Variants in EXT2 observed in about 807,000 individuals in gnomAD.
EXT2 encodes the protein exostosin glycosyltransferase 2.
EXT2 carries 53 observed loss-of-function variants against 81.6 expected under a neutral mutation model. The ratio of observed to expected loss-of-function variants is 0.65; its 90% CI spans 0.52 to 0.82. EXT2 has a LOEUF of 0.82. Among genes scored for constraint, EXT2 ranks in the 40% least tolerant of loss-of-function variants. EXT2 has a pLI of 0.00. For synonymous variants in EXT2, 320 were observed against 340.0 expected, an observed-to-expected ratio of 0.94 and a Z score of 0.65; for missense variants, 774 against 910.2, an observed-to-expected ratio of 0.85 and a Z score of 1.93.
intron 7 of EXT2, among the ~76,000 whole-genome samples, chr11:44,134,355 T>C (rs1055840518): frequency 6.6e-6 from 1 of 152,168 alleles, no homozygotes; most frequent in South Asian, 2.1e-4. Context: ...GTGTTGGGGA[T>C]ATATGGGTAT....
At chr11:44,177,546 T>G (rs1407572026) in intron 8 of EXT2, among the ~76,000 whole-genome samples, 1 of 152,216 alleles carries the variant, frequency 6.6e-6, no homozygotes, top group Non-Finnish European at 1.5e-5. Flanking sequence ...AACAGTGAAT[T>G]CATGTGTCAC....
chr11:44,149,071 A>AG (rs1159692385), intron 7 of EXT2, among the ~76,000 whole-genome samples: 2 of 152,156 alleles, frequency 1.3e-5, no homozygotes, highest in Admixed American at 1.3e-4. Flanking sequence ...GAGAAAGAAA[A>AG]GAGTTTGGGG....
chr11:44,141,527 G>A (rs1041102700), intron 7 of EXT2, among the ~76,000 whole-genome samples: 1 of 152,166 alleles, frequency 6.6e-6, no homozygotes, highest in Non-Finnish European at 1.5e-5. Context: ...GTTTAATTTA[G>A]GACAGTGAAC....
intron 12 of EXT2, among the ~76,000 whole-genome samples, chr11:44,235,753 A>G (rs1955956255): frequency 6.6e-6 from 1 of 152,072 alleles, no homozygotes; most frequent in African/African-American, 2.4e-5. Context: ...TTAAGGTTTG[A>G]GAGTGTAGTG....
chr11:44,236,477 G>T, intron 13 of EXT2, 102 bp downstream of exon 13: 2 of 1,054,652 alleles, frequency 1.9e-6, no homozygotes, highest in South Asian at 1.3e-5. Flanking sequence ...GACAGCAGCT[G>T]GTAGCCATAG....
At chr11:44,203,897 A>C (rs1955550721) in intron 9 of EXT2, among the ~76,000 whole-genome samples, 1 of 152,274 alleles carries the variant, frequency 6.6e-6, no homozygotes, top group Non-Finnish European at 1.5e-5. Context: ...TACAGGGTCC[A>C]GTTCAGCTAT....
At chr11:44,169,192 C>G (rs1955036630) in intron 7 of EXT2, among the ~76,000 whole-genome samples, 1 of 151,544 alleles carries the variant, frequency 6.6e-6, no homozygotes, top group South Asian at 2.1e-4. Flanking sequence ...TGCACTCCAG[C>G]CTGGGTGACA....
At chr11:44,130,235 T>C (rs2135029853) in intron 7 of EXT2, 97 bp downstream of exon 7, 1 of 912,576 alleles carries the variant, frequency 1.1e-6, no homozygotes, top group Non-Finnish European at 1.8e-6. Flanking sequence ...TGAGTGGGGT[T>C]TACTTCCTCC....
intron 7 of EXT2, among the ~76,000 whole-genome samples, chr11:44,154,645 T>C (rs971371376): frequency 6.6e-6 from 1 of 152,136 alleles, no homozygotes; most frequent in Admixed American, 6.5e-5. Context: ...TTTCTTTTGA[T>C]ATATATACCT....
rs144646037 is a variant in EXT2 at position 44,194,417 on chromosome 11, A to G, written c.1306-3412A>G. Among the ~76,000 whole-genome samples, 492 of 152,314 alleles carry G rather than the reference A, an allele frequency of 3.2e-3. 2 individuals are homozygous for G. The highest frequency in any genetic ancestry group is 0.012 in the African/African-American group (485 of 41,560). ...TCTTAGAAAAGAGCTAGAAGTAGCAAACTCTGGAGTTCCCCACACTTGAAT... is the reference window on the plus strand; with the variant it reads ...TCTTAGAAAAGAGCTAGAAGTAGCAGACTCTGGAGTTCCCCACACTTGAAT... On this transcript the variant is annotated intron_variant, in intron 8 of 13. Coordinates refer to ENST00000533608, the MANE Select transcript of EXT2 (RefSeq NM_207122.2).
chr11:44,158,547 AATTT>A (rs201613059), intron 7 of EXT2, among the ~76,000 whole-genome samples: 4,340 of 151,304 alleles, frequency 0.029, 217 homozygotes, highest in African/African-American at 0.1. Flanking sequence ...TTAATAAATT[AATTT>A]AATTTTAATT....
At chr11:44,214,411 G>A (rs1955692438) in intron 10 of EXT2, among the ~76,000 whole-genome samples, 1 of 152,140 alleles carries the variant, frequency 6.6e-6, no homozygotes, top group Non-Finnish European at 1.5e-5. Context: ...ACCATGCCCG[G>A]CCGTAACTTT....
chr11:44,138,656 T>A (rs1354775812), intron 7 of EXT2, among the ~76,000 whole-genome samples: 5 of 152,090 alleles, frequency 3.3e-5, no homozygotes, highest in Non-Finnish European at 7.4e-5. Flanking sequence ...GCATAAAATG[T>A]ATTTGTGTAT....
intron 8 of EXT2, among the ~76,000 whole-genome samples, chr11:44,179,487 G>A (rs553786931): frequency 6.6e-6 from 1 of 152,142 alleles, no homozygotes; most frequent in Non-Finnish European, 1.5e-5. Flanking sequence ...AGAGTCCGTG[G>A]GAGCTTGATC....
At chr11:44,115,281 T>C (rs1954205981) in intron 4 of EXT2, among the ~76,000 whole-genome samples, 1 of 152,318 alleles carries the variant, frequency 6.6e-6, no homozygotes, top group Admixed American at 6.5e-5. Flanking sequence ...ATTCAAATTG[T>C]TGGGCTCAAG....
rs530465897 is a variant in EXT2, at chr11:44,241,066, G to A, written c.2019-3083G>A. On this transcript the variant is annotated intron_variant, in intron 13 of 13. Transcript: ENST00000533608. The stretch of plus-strand genomic sequence containing the variant: ...ACAAGTGTGTGTGACCTTGTGTTGG[G>A]TTTTGTGGTTCAGTAGCTCATTTAT... 5.3e-5 allele frequency among the ~76,000 whole-genome samples: 8 copies of A among 152,288 alleles called. No homozygotes were observed. In the South Asian group the frequency reaches 1.7e-3, roughly 32 times the overall value.
In EXT2 at chr11:44,163,911, C is replaced by T. The variant is rs540229391; in HGVS notation, c.1174-7700C>T. The stretch of plus-strand genomic sequence containing the variant: ...TTTGGAAAATTCTTAGCTCTTTTTC[C>T]TTTAAATACATCTGCTGCCTTGTTC... On this transcript the variant is annotated intron_variant, in intron 7 of 13. Transcript: ENST00000533608. Among the ~76,000 whole-genome samples, 20 of 152,246 alleles carry T rather than the reference C, an allele frequency of 1.3e-4. No homozygotes were observed. In the East Asian group the frequency reaches 3.7e-3, roughly 28 times the overall value.
At chr11:44,231,650 C>A (rs1013876625) in intron 10 of EXT2, among the ~76,000 whole-genome samples, 25 of 152,258 alleles carry the variant, frequency 1.6e-4, no homozygotes, top group African/African-American at 5.8e-4. Context: ...GACTAGCCAA[C>A]AAATTGTTAT....
intron 10 of EXT2, among the ~76,000 whole-genome samples, chr11:44,214,336 G>A (rs571447178): frequency 4.4e-4 from 67 of 152,088 alleles, no homozygotes; most frequent in African/African-American, 1.6e-3. Flanking sequence ...GCATGGTCTC[G>A]ATCTCCTGAC....
Sources: gnomAD v4.1 joint callset for allele counts (sites outside exome capture counted in the v4.1 genomes callset) on GRCh38, gnomAD v4.1.1 for gene constraint, MANE v1.5 for transcripts, NCBI Gene and HGNC (gene_info 2026-07-23, HGNC 2026-07-21) for gene names.